Variants in C1orf167 observed in about 807,000 individuals in gnomAD.
C1orf167 encodes the protein uncharacterized protein C1orf167.
C1orf167 carries 153 observed loss-of-function variants against 176.5 expected under a neutral mutation model. The observed-to-expected ratio is 0.87, with a 90% confidence interval of 0.76 to 0.99. The LOEUF (loss-of-function observed/expected upper bound fraction) is 0.99, where lower values mean the gene tolerates loss of function less well. Ranked by LOEUF, C1orf167 falls within the 50% of genes least tolerant of loss-of-function variation. The pLI, the probability that C1orf167 is intolerant of heterozygous loss-of-function variation, is 0.00. For missense variants in C1orf167, 1,490 were observed against 1,817.7 expected (o/e 0.82, Z 3.28); for synonymous variants, 594 against 752.7 (o/e 0.79, Z 3.45).
chr1:11,789,196 T>A (rs533310380), intron 20 of C1orf167, 74 bp from the exon 21 acceptor site: 1 of 1,244,346 alleles, frequency 8.0e-7, no homozygotes, highest in East Asian at 5.8e-5. Context: ...GGTACAGGGG[T>A]TGCTCTAGCA....
chr1:11,780,160 T>C (rs976458611), intron 13 of C1orf167, 150 bp downstream of exon 13: 1 of 456,038 alleles, frequency 2.2e-6, no homozygotes, highest in Non-Finnish European at 3.5e-6. Context: ...TCCTGACCCA[T>C]AGAAACTGTG....
Position 11,784,555 on chromosome 1 carries a change from G to A in C1orf167, c.3387G>A (p.Gln1129=), listed in dbSNP as rs1414229155. 5.5e-6 allele frequency: 7 copies of A among 1,280,490 alleles called. No individual in the cohort carries two copies. The Admixed American group carries it at 1.7e-4, about 32-fold the overall frequency. The allele number at this position is 1,280,490 out of a possible 1,614,324, so 79.3% of individuals were successfully genotyped here. Residue 1129 remains glutamine, a synonymous_variant, in exon 15 of 21, where the codon CAG becomes CAA. Coordinates refer to ENST00000688073, the MANE Select transcript of C1orf167 (RefSeq NM_001010881.2). ...ALWVHESCRG[Q]VSRAHASWKP... is the part of the protein sequence containing the mutation. ...GGGTGCATGAGTCCTGTCGGGGCCA[G>A]GTCAGCCGAGCCCATGCTTCCTGGA...
rs1643909641 is a variant in C1orf167, at chr1:11,787,456, T to A, written c.3636T>A (p.Gly1212=). Residue 1212 remains glycine (G), a synonymous_variant, in exon 17 of 21, where the codon GGT becomes GGA. Transcript: ENST00000688073. Reference sequence around the variant, plus strand: ...CGCCATCACTGCAGTGCAGCCTGGGTGGACGGAGGAAGCCAAGGGGAACGG... The same window carrying A: ...CGCCATCACTGCAGTGCAGCCTGGGAGGACGGAGGAAGCCAAGGGGAACGG... The part of the protein sequence containing the change: ...PPAPSLQCSL[G]GRRKPRGTAW... 1 of 1,303,208 alleles carries A rather than the reference T, an allele frequency of 7.7e-7. No homozygotes were observed. The highest frequency in any genetic ancestry group is 1.0e-6 in the Non-Finnish European group (1 of 988,742). 80.7% of individuals were successfully genotyped at this position (1,303,208 alleles called of 1,614,324 possible).
chr1:11,785,053 C>G, intron 15 of C1orf167, 95 bp from the exon 16 acceptor site: 1 of 1,094,868 alleles, frequency 9.1e-7, no homozygotes, highest in Non-Finnish European at 1.2e-6. Context: ...TGGGGCTGGG[C>G]CCGGAAGGCC....
intron 14 of C1orf167, among the ~76,000 whole-genome samples, chr1:11,782,953 C>T (rs1214028769): frequency 3.3e-5 from 4 of 122,166 alleles, no homozygotes; most frequent in Non-Finnish European, 7.3e-5. Flanking sequence ...GAAATCCACT[C>T]CTCGGAAATC....
rs1183446544 is a variant in C1orf167, at chr1:11,767,069, C to A, written c.1283C>A (p.Ala428Glu). The A allele has an allele frequency of 1.6e-6, 2 of 1,232,740 alleles. No homozygotes were observed. The highest frequency in any genetic ancestry group is 2.6e-5 in the Admixed American group (1 of 38,350). The allele number at this position is 1,232,740 out of a possible 1,614,324, so 76.4% of individuals were successfully genotyped here. ...TTCCATCTGTCAGACACAGTCCCAG[C>A]GAGCAGTGCGTCGAAGGTAGAGGCC... ...TAFHLSDTVP[A>E]SSASKNKAQN... The change falls in exon 3 of 21, where the codon GCG becomes GAG. Residue 428 changes from alanine to glutamate, a missense_variant. Physicochemically the swap from Ala to Glu is moderately radical, Grantham distance 107. Coordinates refer to ENST00000688073, the MANE Select transcript of C1orf167 (RefSeq NM_001010881.2).
intron 20 of C1orf167, 51 bp downstream of exon 20, chr1:11,788,797 C>A (rs1431297397): frequency 1.2e-5 from 16 of 1,288,276 alleles, no homozygotes; most frequent in South Asian, 6.2e-5. Context: ...ACTCAGCCAG[C>A]CTTCCAGAAG....
In C1orf167 at chr1:11,780,025, G is replaced by T. The variant is rs771934916; in HGVS notation, c.2860+15G>T. On this transcript the variant is annotated intron_variant, in intron 13 of 20. Transcript: ENST00000688073. ...CTGTTGGCAGGGTGAGTGGAGACTT[G>T]GTCGGGGGCACTGCGGGTGAGGGCA... The T allele has an allele frequency of 4.0e-6, 5 of 1,259,830 alleles. No homozygotes were observed. In the Admixed American group the frequency reaches 9.7e-5, roughly 25 times the overall value. The allele number at this position is 1,259,830 out of a possible 1,614,324, so 78.0% of individuals were successfully genotyped here. A position where few individuals can be genotyped will look rare whatever the true frequency, so the allele number is the denominator to read the frequency against.
At chr1:11,764,106 G>C (rs778387470) in intron 1 of C1orf167, among the ~76,000 whole-genome samples, 1 of 152,168 alleles carries the variant, frequency 6.6e-6, no homozygotes, top group Non-Finnish European at 1.5e-5. Flanking sequence ...CGAGAGGTCT[G>C]GGGGGCAGGA....
chr1:11,771,688 G>A (rs527423328), intron 7 of C1orf167, 52 bp downstream of exon 7: 2 of 1,222,198 alleles, frequency 1.6e-6, no homozygotes, highest in East Asian at 5.6e-5. Flanking sequence ...GCCACGCAGG[G>A]CCTGAGCTCC....
At chr1:11,780,058 GGTCT>G (rs1195979094) in intron 13 of C1orf167, 48 bp downstream of exon 13, 2 of 1,218,218 alleles carry the variant, frequency 1.6e-6, no homozygotes, top group Non-Finnish European at 2.1e-6. Context: ...GCAGGGCCAG[GGTCT>G]GTCTGAGACC....
chr1:11,776,810 C>T (rs1050894859), intron 10 of C1orf167, among the ~76,000 whole-genome samples, 172 bp downstream of exon 10: 4 of 152,176 alleles, frequency 2.6e-5, no homozygotes, highest in African/African-American at 9.7e-5. Context: ...GGTGCCCAGC[C>T]AATGTCAGGC....
chr1:11,776,511 G>A lies in C1orf167; in HGVS notation c.2212G>A (p.Ala738Thr), dbSNP rs1446906461. The A allele has an allele frequency of 7.7e-7, 1 of 1,300,520 alleles. No homozygotes were observed. The highest frequency in any genetic ancestry group is 2.3e-5 in the Admixed American group (1 of 42,848). 80.6% of individuals were successfully genotyped at this position (1,300,520 alleles called of 1,614,324 possible). ...TAGPGACGLGAVGQAQGQQEQ... is the reference protein window; with the variant it reads ...TAGPGACGLGTVGQAQGQQEQ... Reference sequence around the variant, plus strand: ...AGGCCCTGGAGCCTGTGGCCTGGGTGCAGTGGGCCAGGCCCAGGGGCAGCA... The same window carrying A: ...AGGCCCTGGAGCCTGTGGCCTGGGTACAGTGGGCCAGGCCCAGGGGCAGCA... Residue 738 changes from alanine (A) to threonine (T), a missense_variant, in exon 10 of 21, where the codon GCA becomes ACA. By Grantham distance (58) the Ala-to-Thr change is moderately conservative. Coordinates refer to ENST00000688073, the MANE Select transcript of C1orf167 (RefSeq NM_001010881.2).
intron 14 of C1orf167, among the ~76,000 whole-genome samples, chr1:11,783,703 C>G (rs1402669396): frequency 6.6e-6 from 1 of 152,174 alleles, no homozygotes; most frequent in Non-Finnish European, 1.5e-5. Context: ...AGCCCCTGCC[C>G]TCTGAGGCTG....
Position 11,787,897 on chromosome 1 carries a change from C to T in C1orf167, c.3698C>T (p.Pro1233Leu). ...AQRCREHSLC[P>L]AFQLWPQWPG... is the part of the protein sequence containing the mutation. Reference sequence around the variant, plus strand: ...GGGTGCAGGGAACATTCCCTCTGCCCTGCCTTCCAGCTCTGGCCACAGTGG... The same window carrying T: ...GGGTGCAGGGAACATTCCCTCTGCCTTGCCTTCCAGCTCTGGCCACAGTGG... The change falls in exon 18 of 21, where the codon CCT becomes CTT. Residue 1233 changes from proline (P) to leucine (L), a missense_variant. Physicochemically the swap from Pro to Leu is moderately conservative, Grantham distance 98 (BLOSUM62 -3). Coordinates refer to ENST00000688073, the MANE Select transcript of C1orf167 (RefSeq NM_001010881.2). 8.0e-7 allele frequency: 1 copy of T among 1,247,642 alleles called. No individual in the cohort carries two copies. The highest frequency in any genetic ancestry group is 1.0e-6 in the Non-Finnish European group (1 of 962,768). 77.3% of individuals were successfully genotyped at this position (1,247,642 alleles called of 1,614,324 possible). A position where few individuals can be genotyped will look rare whatever the true frequency, so the allele number is the denominator to read the frequency against.
rs914979875 is a variant in C1orf167, at chr1:11,767,206, C to T, written c.1300-15C>T. Reference sequence around the variant, plus strand: ...CTTGGCCTGAGAACTGTGTTATGTACTCTTGCTTTCCCAGAACAAGGCACA... The same window carrying T: ...CTTGGCCTGAGAACTGTGTTATGTATTCTTGCTTTCCCAGAACAAGGCACA... On this transcript the variant is annotated splice_polypyrimidine_tract_variant and intron_variant, in intron 3 of 20. Coordinates refer to ENST00000688073, the MANE Select transcript of C1orf167 (RefSeq NM_001010881.2). 3.9e-6 allele frequency: 5 copies of T among 1,289,732 alleles called. No individual in the cohort carries two copies. The highest frequency in any genetic ancestry group is 4.6e-5 in the Admixed American group (2 of 43,542). The allele number at this position is 1,289,732 out of a possible 1,614,324, so 79.9% of individuals were successfully genotyped here. A position where few individuals can be genotyped will look rare whatever the true frequency, so the allele number is the denominator to read the frequency against.
chr1:11,784,249 C>T lies in C1orf167; in HGVS notation c.3081C>T (p.Gly1027=). 7.7e-7 allele frequency: 1 copy of T among 1,299,372 alleles called. No individual in the cohort carries two copies. Among genetic ancestry groups the T allele is most frequent in the Non-Finnish European group, 1.0e-6 (1 of 986,332 alleles). The allele number at this position is 1,299,372 out of a possible 1,614,324, so 80.5% of individuals were successfully genotyped here. ...CCCAGCATCAAGCCTTTCAGGATGGCCTGAGGAGAAGAGCACTGGGGGCCG... is the reference window on the plus strand; with the variant it reads ...CCCAGCATCAAGCCTTTCAGGATGGTCTGAGGAGAAGAGCACTGGGGGCCG... ...LRAQHQAFQD[G]LRRRALGAVF... Residue 1027 remains glycine (G), a synonymous_variant, in exon 15 of 21, where the codon GGC becomes GGT. Transcript: ENST00000688073.
chr1:11,767,588 T>C (rs1330956119), intron 4 of C1orf167, among the ~76,000 whole-genome samples: 1 of 152,066 alleles, frequency 6.6e-6, no homozygotes, highest in African/African-American at 2.4e-5. Flanking sequence ...TTCGGGAGAC[T>C]GAGGCAGGCA....
chr1:11,765,370 C>G (rs1014636633), intron 2 of C1orf167, among the ~76,000 whole-genome samples: 7 of 152,118 alleles, frequency 4.6e-5, no homozygotes, highest in African/African-American at 1.4e-4. Context: ...CTCCATGTTC[C>G]CAGAGCAGCT....
Sources: gnomAD v4.1 joint callset for allele counts (sites outside exome capture counted in the v4.1 genomes callset) on GRCh38, gnomAD v4.1.1 for gene constraint, MANE v1.5 for transcripts, NCBI Gene and HGNC (gene_info 2026-07-23, HGNC 2026-07-21) for gene names.